The following CNTN5 variants were observed in gnomAD, a reference collection of about 807,000 sequenced individuals.
The protein encoded by CNTN5 is contactin 5.
A neutral mutation model predicts 129.1 loss-of-function variants in CNTN5; 77 were observed. The ratio of observed to expected loss-of-function variants is 0.60; its 90% CI spans 0.50 to 0.72. The LOEUF is 0.72. Ranked by LOEUF, CNTN5 falls within the 30% of genes least tolerant of loss-of-function variation. The pLI is 0.00. For synonymous variants in CNTN5, 509 were observed against 465.6 expected (o/e 1.09, Z -1.20); for missense variants, 1,478 against 1,328.8 (o/e 1.11, Z -1.75).
intron 2 of CNTN5, among the ~76,000 whole-genome samples, chr11:99,415,893 A>G (rs1340847736): frequency 1.3e-5 from 2 of 152,154 alleles, no homozygotes; most frequent in Non-Finnish European, 2.9e-5. Flanking sequence ...TGAATGATTT[A>G]ATCCGAACTC....
intron 6 of CNTN5, among the ~76,000 whole-genome samples, chr11:99,907,742 C>CT (rs1249424403): frequency 6.6e-6 from 1 of 151,818 alleles, no homozygotes; most frequent in Non-Finnish European, 1.5e-5. Context: ...ATTTCAGCAA[C>CT]TTTTTTCTAT....
rs544422813 is a variant in CNTN5, at chr11:99,582,016, G to T, written c.55+25747G>T. Among the ~76,000 whole-genome samples the T allele has an allele frequency of 1.7e-3, 257 of 151,964 alleles. 2 individuals are homozygous for T. The highest frequency in any genetic ancestry group is 5.8e-3 in the African/African-American group (240 of 41,444). ...TCCTTCAGGAGCTCTTTTAGGGCAG[G>T]CCTGGTGGTGACAAAATCTCTCAAC... is the stretch of plus-strand genomic sequence containing the variant. On this transcript the variant is annotated intron_variant, in intron 3 of 24. Transcript: ENST00000524871.
intron 1 of CNTN5, among the ~76,000 whole-genome samples, chr11:99,044,569 A>G (rs896733437): frequency 1.2e-4 from 19 of 152,170 alleles, no homozygotes; most frequent in African/African-American, 4.3e-4. Context: ...CCAAGTAAAG[A>G]GGCCTACCTA....
chr11:99,758,921 A>G (rs879378039), intron 3 of CNTN5, among the ~76,000 whole-genome samples: 3 of 152,102 alleles, frequency 2.0e-5, no homozygotes, highest in African/African-American at 4.8e-5. Flanking sequence ...AATGGTTTCA[A>G]TATATGGTAT....
chr11:100,129,115 G>A (rs1946293006), intron 13 of CNTN5, among the ~76,000 whole-genome samples: 4 of 152,122 alleles, frequency 2.6e-5, no homozygotes, highest in Admixed American at 2.6e-4. Context: ...TTGAAATAGA[G>A]TAGGTCCACA....
intron 13 of CNTN5, among the ~76,000 whole-genome samples, chr11:100,119,741 G>T (rs1945952944): frequency 6.6e-6 from 1 of 151,864 alleles, no homozygotes; most frequent in East Asian, 1.9e-4. Context: ...GATGATAAGA[G>T]ATCAAAGATA....
chr11:99,346,400 G>C (rs187707021), intron 2 of CNTN5, among the ~76,000 whole-genome samples: 103 of 152,332 alleles, frequency 6.8e-4, no homozygotes, highest in Non-Finnish European at 3.5e-4. Context: ...TACTCAGCCT[G>C]TTTTGTGTCC....
intron 3 of CNTN5, among the ~76,000 whole-genome samples, chr11:99,812,450 A>G (rs1334275112): frequency 2.6e-5 from 4 of 152,128 alleles, no homozygotes; most frequent in Non-Finnish European, 5.9e-5. Context: ...AACTCTAGAT[A>G]ATAATAACAA....
intron 1 of CNTN5, among the ~76,000 whole-genome samples, chr11:99,044,372 G>C (rs2135150150): frequency 6.6e-6 from 1 of 152,198 alleles, no homozygotes; most frequent in African/African-American, 2.4e-5. Context: ...GTGAAATCTG[G>C]AAGAAGCTGG....
At chr11:99,722,189 C>T (rs894478731) in intron 3 of CNTN5, among the ~76,000 whole-genome samples, 1 of 152,096 alleles carries the variant, frequency 6.6e-6, no homozygotes, top group Non-Finnish European at 1.5e-5. Context: ...TGTGAATGTT[C>T]ACTGCAGTAT....
chr11:99,940,654 G>T (rs1950414061), intron 7 of CNTN5, among the ~76,000 whole-genome samples: 1 of 152,034 alleles, frequency 6.6e-6, no homozygotes, highest in Admixed American at 6.6e-5. Context: ...GACAGTTCTT[G>T]TCCACTTTAA....
intron 6 of CNTN5, among the ~76,000 whole-genome samples, chr11:99,897,332 T>C (rs1349979644): frequency 1.3e-5 from 2 of 152,104 alleles, no homozygotes; most frequent in East Asian, 3.9e-4. Context: ...TAAACATTAC[T>C]GAGGCATTTG....
intron 3 of CNTN5, among the ~76,000 whole-genome samples, chr11:99,753,283 C>T (rs1197837250): frequency 3.3e-5 from 5 of 151,532 alleles, no homozygotes; most frequent in East Asian, 3.9e-4. Flanking sequence ...CCACCATGCC[C>T]GGCTAATTTT....
chr11:100,099,995 T>C (rs1428820982), intron 13 of CNTN5, among the ~76,000 whole-genome samples: 1 of 152,128 alleles, frequency 6.6e-6, no homozygotes, highest in Non-Finnish European at 1.5e-5. Context: ...TTCACTTTCT[T>C]CACTAAAAAC....
At chr11:99,856,841 T>G (rs1415311838) in intron 6 of CNTN5, among the ~76,000 whole-genome samples, 1 of 152,196 alleles carries the variant, frequency 6.6e-6, no homozygotes, top group Non-Finnish European at 1.5e-5. Flanking sequence ...TCTCTATAAT[T>G]ATTAGGCTGT....
At position 100,074,178 on chromosome 11, in the gene CNTN5, G is replaced by A. The variant is rs760084664; in HGVS notation, c.1464G>A (p.Lys488=). The A allele has an allele frequency of 1.4e-5, 22 of 1,612,480 alleles. No homozygotes were observed. Among genetic ancestry groups the A allele is most frequent in the Non-Finnish European group, 1.9e-5 (22 of 1,179,256 alleles). The part of the protein sequence containing the change: ...SAPTFALNQL[K]KTIIVTKDQE... ...CCACTTTTGCACTGAATCAACTGAA[G>A]AAAACAATAATTGTTACCAAAGACC... Residue 488 remains lysine, a synonymous_variant, in exon 13 of 25, where the codon AAG becomes AAA. Transcript: ENST00000524871.
chr11:99,676,990 A>T (rs1953316289), intron 3 of CNTN5, among the ~76,000 whole-genome samples: 1 of 152,126 alleles, frequency 6.6e-6, no homozygotes, highest in African/African-American at 2.4e-5. Flanking sequence ...ACTTTTAGAA[A>T]CTCAAACTCA....
intron 1 of CNTN5, among the ~76,000 whole-genome samples, chr11:99,223,806 T>C: frequency 6.6e-6 from 1 of 152,180 alleles, no homozygotes; most frequent in Non-Finnish European, 1.5e-5. Flanking sequence ...AACAATTATA[T>C]TCATTCTAAA....
intron 3 of CNTN5, among the ~76,000 whole-genome samples, chr11:99,791,382 A>G (rs1046669056): frequency 2.0e-5 from 3 of 152,168 alleles, no homozygotes; most frequent in African/African-American, 7.2e-5. Context: ...TTATTCCAAC[A>G]TCATTTATTG....
Sources: gnomAD v4.1 joint callset for allele counts (sites outside exome capture counted in the v4.1 genomes callset) on GRCh38, gnomAD v4.1.1 for gene constraint, MANE v1.5 for transcripts, NCBI Gene and HGNC (gene_info 2026-07-23, HGNC 2026-07-21) for gene names.